GPM6B: variants seen among roughly 807,000 people sequenced by gnomAD.
The protein encoded by GPM6B is glycoprotein M6B, also known as neuronal membrane glycoprotein M6-b.
GPM6B carries 4 observed loss-of-function variants against 27.2 expected under a neutral mutation model. That is an observed-to-expected ratio of 0.15 (90% CI 0.07 to 0.34). The LOEUF is 0.34. Ranked by LOEUF, GPM6B falls within the 10% of genes least tolerant of loss-of-function variation. The pLI is 1.00. For synonymous variants in GPM6B, 124 were observed against 103.1 expected (o/e 1.20, Z -1.23); for missense variants, 183 against 261.9 (o/e 0.70, Z 2.08).
intron 2 of GPM6B, among the ~76,000 whole-genome samples, chrX:13,804,234 G>C (rs1173744726): frequency 9.0e-6 from 1 of 111,683 alleles, no homozygotes; most frequent in Admixed American, 9.4e-5. Flanking sequence ...AATCTAGATT[G>C]TCTTAGGCTA....
At chrX:13,822,791 T>C (rs2049325939) in intron 1 of GPM6B, among the ~76,000 whole-genome samples, 1 of 111,895 alleles carries the variant, frequency 8.9e-6, no homozygotes, top group Admixed American at 9.5e-5. Flanking sequence ...ACAGCAAGAA[T>C]TCTTAAATAG....
At chrX:13,800,738 T>C (rs918788338) in intron 2 of GPM6B, among the ~76,000 whole-genome samples, 2 of 111,717 alleles carry the variant, frequency 1.8e-5, no homozygotes, top group African/African-American at 6.5e-5. Context: ...TATATAGCAG[T>C]GGTGGTCAAA....
At chrX:13,860,275 G>C (rs778077336) in intron 1 of GPM6B, among the ~76,000 whole-genome samples, 1 of 111,921 alleles carries the variant, frequency 8.9e-6, no homozygotes, top group African/African-American at 3.2e-5. Flanking sequence ...ACTGCACAAA[G>C]ATGTTACATA....
intron 1 of GPM6B, among the ~76,000 whole-genome samples, chrX:13,812,048 C>CTTTTTT (rs1187553585): frequency 2.2e-5 from 2 of 88,916 alleles, no homozygotes; most frequent in African/African-American, 8.6e-5. Context: ...TCTTTTCTTT[C>CTTTTTT]TTTTTTTTTT....
In GPM6B at chrX:13,871,824, G is replaced by A. The variant is rs5934136; in HGVS notation, c.-198+66503C>T. Among the ~76,000 whole-genome samples the A allele has an allele frequency of 4.9e-3, 553 of 112,090 alleles. 1 individual carries two copies. Among genetic ancestry groups the A allele is most frequent in the Non-Finnish European group, 6.8e-3 (362 of 53,236 alleles). ...AAATATAGAGCATTTCTGTCATGGC[G>A]GAAAGAGCTGCTGGGAAGTGCTGGG... On this transcript the variant is annotated intron_variant, in intron 1 of 6. Transcript: ENST00000398361.
chrX:13,791,149 A>C (rs2048705903), intron 2 of GPM6B, among the ~76,000 whole-genome samples: 1 of 112,063 alleles, frequency 8.9e-6, no homozygotes, highest in Non-Finnish European at 1.9e-5. Flanking sequence ...AAATAAGGAA[A>C]GCATTTTTTT....
intron 2 of GPM6B, among the ~76,000 whole-genome samples, chrX:13,796,475 G>C (rs189864933): frequency 8.9e-5 from 10 of 112,281 alleles, no homozygotes; most frequent in African/African-American, 3.2e-4. Context: ...CTAACACCCA[G>C]AAAGTTCTGT....
intron 1 of GPM6B, among the ~76,000 whole-genome samples, chrX:13,812,533 G>C (rs1259153255): frequency 9.0e-6 from 1 of 111,626 alleles, no homozygotes; most frequent in Admixed American, 9.5e-5. Flanking sequence ...AGAAAAAAGC[G>C]AGAGTGTCTT....
At chrX:13,843,220 A>G (rs763219279) in intron 1 of GPM6B, among the ~76,000 whole-genome samples, 113 of 111,870 alleles carry the variant, frequency 1.0e-3, no homozygotes, top group Admixed American at 1.8e-3. Context: ...TTGTGACTGG[A>G]GTCTTTTACT....
At chrX:13,904,389 G>A (rs891894093) in intron 1 of GPM6B, among the ~76,000 whole-genome samples, 2 of 111,657 alleles carry the variant, frequency 1.8e-5, no homozygotes, top group African/African-American at 6.5e-5. Flanking sequence ...GAGAACAAAC[G>A]CTGTTTCAGT....
At chrX:13,827,270 C>CTTTTTTTTT (rs2049384388) in intron 1 of GPM6B, among the ~76,000 whole-genome samples, 1 of 89,103 alleles carries the variant, frequency 1.1e-5, no homozygotes, top group African/African-American at 4.2e-5. Flanking sequence ...CTACCGACTT[C>CTTTTTTTTT]CTTTTTTTTT....
chrX:13,880,395 G>T (rs2050082486), intron 1 of GPM6B, among the ~76,000 whole-genome samples: 1 of 111,374 alleles, frequency 9.0e-6, no homozygotes, highest in Non-Finnish European at 1.9e-5. Flanking sequence ...GGCAAATCAG[G>T]CCGGGCGCGG....
chrX:13,924,304 T>A (rs976903830), intron 1 of GPM6B, among the ~76,000 whole-genome samples: 1 of 111,433 alleles, frequency 9.0e-6, no homozygotes, highest in Non-Finnish European at 1.9e-5. Flanking sequence ...TATTTTTTAT[T>A]TTTATTCTTT....
intron 1 of GPM6B, among the ~76,000 whole-genome samples, chrX:13,908,282 C>T (rs927643816): frequency 1.8e-5 from 2 of 111,646 alleles, no homozygotes; most frequent in Non-Finnish European, 3.8e-5. Context: ...TTAATATCAC[C>T]AGCAGTGAGA....
chrX:13,807,493 A>T (rs1005520882), intron 2 of GPM6B, among the ~76,000 whole-genome samples, 157 bp downstream of exon 2: 11 of 112,600 alleles, frequency 9.8e-5, no homozygotes, highest in Non-Finnish European at 1.9e-4. Flanking sequence ...AAAGATGATT[A>T]AAAAATGTTT....
chrX:13,772,915 G>A lies in GPM6B; in HGVS notation c.953C>T (p.Ser318Phe), dbSNP rs368082747. 6 of 1,208,970 alleles carry A rather than the reference G, an allele frequency of 5.0e-6. No homozygotes were observed. The highest frequency in any genetic ancestry group is 1.1e-6 in the Non-Finnish European group (1 of 894,355). ...KEEQELQDIQ[S>F]RSKEQLNSYT is the part of the protein sequence containing the mutation. ...AGAATTGAGTTGTTCTTTTGACCGA[G>A]ACTGGATATCTTGCAGTTCCTGTTC... The change falls in exon 8 of 8, where the codon TCT becomes TTT. Residue 318 changes from serine (S) to phenylalanine (F), a missense_variant. Transcript: ENST00000316715.
At chrX:13,896,534 T>C (rs2050234256) in intron 1 of GPM6B, among the ~76,000 whole-genome samples, 1 of 111,421 alleles carries the variant, frequency 9.0e-6, no homozygotes, top group Non-Finnish European at 1.9e-5. Context: ...GCTAGTTTTG[T>C]AGGTAAAACA....
intron 1 of GPM6B, among the ~76,000 whole-genome samples, chrX:13,879,899 T>G (rs1392798815): frequency 9.0e-6 from 1 of 111,665 alleles, no homozygotes. Flanking sequence ...CTGATGTTGC[T>G]CGTCCAGGAA....
intron 1 of GPM6B, among the ~76,000 whole-genome samples, chrX:13,813,956 G>T (rs748462514): frequency 1.8e-5 from 2 of 111,917 alleles, no homozygotes; most frequent in Non-Finnish European, 3.8e-5. Flanking sequence ...GTGAATTTTG[G>T]TATCTGGTAG....
Sources: allele counts gnomAD v4.1 joint callset (sites outside exome capture counted in the v4.1 genomes callset), GRCh38; gene constraint gnomAD v4.1.1; transcripts MANE v1.5; gene names NCBI Gene and HGNC (gene_info 2026-07-23, HGNC 2026-07-21).